Variants in NRTN observed in about 807,000 individuals in gnomAD.
NRTN encodes prepro-neurturin.
A neutral mutation model predicts 7.5 loss-of-function variants in NRTN; 3 were observed. The ratio of observed to expected loss-of-function variants is 0.40; its 90% confidence interval spans 0.18 to 1.03. The LOEUF (loss-of-function observed/expected upper bound fraction) is 1.03, where lower values mean the gene tolerates loss of function less well. Among genes scored for constraint, NRTN ranks in the 50% least tolerant of loss-of-function variants. NRTN has a pLI of 0.34. For missense variants in NRTN, 310 were observed against 307.0 expected, an observed-to-expected ratio of 1.01 and a Z score of -0.07; for synonymous variants, 157 against 146.6, an observed-to-expected ratio of 1.07 and a Z score of -0.51.
chr19:5,822,688 C>T (rs1487690171), intron 1 of NRTN, among the ~76,000 whole-genome samples: 1 of 152,102 alleles, frequency 6.6e-6, no homozygotes, highest in East Asian at 1.9e-4. Flanking sequence ...GGAGGAGGCA[C>T]CCTCCAAGCT....
intron 1 of NRTN, among the ~76,000 whole-genome samples, chr19:5,821,942 C>T (rs1376181627): frequency 6.6e-6 from 1 of 152,194 alleles, no homozygotes; most frequent in African/African-American, 2.4e-5. Flanking sequence ...GTTCAAATCC[C>T]ATGTCCTTTT....
At chr19:5,805,750 G>A (rs558102208) in intron 1 of NRTN, among the ~76,000 whole-genome samples, 120 of 152,250 alleles carry the variant, frequency 7.9e-4, no homozygotes, top group Middle Eastern at 3.4e-3. Context: ...GTGTGCATCT[G>A]AGGAACGCAC....
In NRTN at chr19:5,828,057, C is replaced by T. The variant is rs1249212189; in HGVS notation, c.478C>T (p.Arg160Cys). 5 of 1,428,904 alleles carry T rather than the reference C, an allele frequency of 3.5e-6. No individual in the cohort carries two copies. Among genetic ancestry groups the T allele is most frequent in the East Asian group, 6.0e-5 (2 of 33,396 alleles). 88.5% of individuals were successfully genotyped at this position (1,428,904 alleles called of 1,614,324 possible). The change falls in exon 3 of 3, where the codon CGC becomes TGC. Residue 160 changes from arginine (R) to cysteine (C), a missense_variant. Transcript: ENST00000303212. ...GCGGCGCCTGCGGCGGGAGCGGGTGCGCGCGCAGCCCTGCTGCCGCCCGAC... is the reference window on the plus strand; with the variant it reads ...GCGGCGCCTGCGGCGGGAGCGGGTGTGCGCGCAGCCCTGCTGCCGCCCGAC... The part of the protein sequence containing the change: ...QRRRLRRERV[R>C]AQPCCRPTAY...
At chr19:5,824,995 CA>C (rs1205613760) in intron 2 of NRTN, among the ~76,000 whole-genome samples, 1 of 151,916 alleles carries the variant, frequency 6.6e-6, no homozygotes, top group Non-Finnish European at 1.5e-5. Flanking sequence ...CGCGGCGCAG[CA>C]GGGGGGGCGG....
intron 1 of NRTN, among the ~76,000 whole-genome samples, chr19:5,820,759 A>AAAAAAC: frequency 6.7e-6 from 1 of 149,900 alleles, no homozygotes. Context: ...AAAAAAAAAA[A>AAAAAAC]AAAAAAAAGG....
Position 5,828,116 on chromosome 19 carries a change from G to C in NRTN, c.537G>C (p.Ala179=). The C allele has an allele frequency of 6.6e-7, 1 of 1,504,322 alleles. No homozygotes were observed. Among genetic ancestry groups the C allele is most frequent in the Non-Finnish European group, 8.8e-7 (1 of 1,134,162 alleles). The allele number at this position is 1,504,322 out of a possible 1,614,324, so 93.2% of individuals were successfully genotyped here. The change falls in exon 3 of 3, where the codon GCG becomes GCC. Residue 179 remains alanine, a synonymous_variant. Coordinates refer to ENST00000303212, the MANE Select transcript of NRTN (RefSeq NM_004558.5). The part of the protein sequence containing the change: ...AYEDEVSFLD[A]HSRYHTVHEL... ...AGGACGAGGTGTCCTTCCTGGACGC[G>C]CACAGCCGCTACCACACGGTGCACG... is the stretch of plus-strand genomic sequence containing the variant.
chr19:5,814,100 A>C (rs2056998280), intron 1 of NRTN, among the ~76,000 whole-genome samples: 1 of 152,166 alleles, frequency 6.6e-6, no homozygotes, highest in Non-Finnish European at 1.5e-5. Flanking sequence ...CAGCACCCCC[A>C]CAGGCAAAAG....
At chr19:5,809,572 G>C (rs1456952092) in intron 1 of NRTN, among the ~76,000 whole-genome samples, 1 of 152,080 alleles carries the variant, frequency 6.6e-6, no homozygotes, top group East Asian at 1.9e-4. Flanking sequence ...TGGTGAGTTT[G>C]TCGGGGAGGG....
intron 2 of NRTN, among the ~76,000 whole-genome samples, chr19:5,825,406 G>A (rs905719141): frequency 5.3e-5 from 8 of 152,178 alleles, no homozygotes; most frequent in Non-Finnish European, 1.2e-4. Context: ...TGTGGGCCAC[G>A]AGTACGCCCA....
chr19:5,810,830 G>A (rs1445291475), intron 1 of NRTN, among the ~76,000 whole-genome samples: 5 of 151,958 alleles, frequency 3.3e-5, no homozygotes, highest in Admixed American at 2.0e-4. Context: ...TTGGGAGGCT[G>A]AGACAGGAGA....
intron 2 of NRTN, 129 bp downstream of exon 2, chr19:5,824,463 G>A: frequency 8.5e-7 from 1 of 1,178,556 alleles, no homozygotes; most frequent in Non-Finnish European, 1.2e-6. Flanking sequence ...CCCCTTGCAG[G>A]GAGGCAGGGA....
chr19:5,808,592 G>A (rs941096260), intron 1 of NRTN, among the ~76,000 whole-genome samples: 4 of 152,166 alleles, frequency 2.6e-5, no homozygotes, highest in African/African-American at 9.7e-5. Context: ...TGACCCTGCA[G>A]GCCACAGGGC....
chr19:5,809,825 C>T (rs1313201406), intron 1 of NRTN, among the ~76,000 whole-genome samples: 9 of 152,176 alleles, frequency 5.9e-5, no homozygotes, highest in Non-Finnish European at 1.0e-4. Flanking sequence ...GCAGGTCCTA[C>T]GCCCCTCTCT....
At chr19:5,825,197 G>A (rs988898019) in intron 2 of NRTN, among the ~76,000 whole-genome samples, 2 of 152,070 alleles carry the variant, frequency 1.3e-5, no homozygotes, top group African/African-American at 4.8e-5. Context: ...CTGCTATAGG[G>A]ACACAGAAAT....
intron 1 of NRTN, among the ~76,000 whole-genome samples, chr19:5,815,028 G>C (rs1195250990): frequency 6.6e-6 from 1 of 152,244 alleles, no homozygotes; most frequent in Non-Finnish European, 1.5e-5. Flanking sequence ...TCAGGGCGGG[G>C]CCGTTCCCTC....
intron 2 of NRTN, among the ~76,000 whole-genome samples, chr19:5,824,809 C>T (rs1416857494): frequency 6.6e-6 from 1 of 152,096 alleles, no homozygotes; most frequent in Non-Finnish European, 1.5e-5. Context: ...AATACATTTT[C>T]TAAAAAAAGA....
At chr19:5,809,699 C>T (rs970975875) in intron 1 of NRTN, among the ~76,000 whole-genome samples, 1 of 152,146 alleles carries the variant, frequency 6.6e-6, no homozygotes, top group African/African-American at 2.4e-5. Context: ...GGAACCCAGC[C>T]GGGCACTCTG....
In NRTN at chr19:5,828,168, G is replaced by A; in HGVS notation, c.589G>A (p.Val197Met). 6.5e-7 allele frequency: 1 copy of A among 1,530,738 alleles called. No individual in the cohort carries two copies. Among genetic ancestry groups the A allele is most frequent in the Non-Finnish European group, 8.7e-7 (1 of 1,144,426 alleles). 94.8% of individuals were successfully genotyped at this position (1,530,738 alleles called of 1,614,324 possible). A position where few individuals can be genotyped will look rare whatever the true frequency, so the allele number is the denominator to read the frequency against. The change falls in exon 3 of 3, where the codon GTG (valine) becomes ATG (methionine). Residue 197 changes from valine (V) to methionine (M), a missense_variant. Transcript: ENST00000303212. The stretch of plus-strand genomic sequence containing the variant: ...GCTGTCGGCGCGCGAGTGCGCCTGC[G>A]TGTGACCCTACCTCACTCGGCCGGC... ...HELSARECACV is the reference protein window; with the variant it reads ...HELSARECACM
Position 5,824,243 on chromosome 19 carries a change from C to T in NRTN, c.78C>T (p.Gly26=). The change falls in exon 2 of 3, where the codon GGC becomes GGT. Residue 26 remains glycine, a synonymous_variant. Transcript: ENST00000303212. The part of the protein sequence containing the change: ...SVLSIWMCRE[G]LLLSHRLGPA... ...TGTCCATCTGGATGTGTCGAGAGGG[C>T]CTGCTTCTCAGCCACCGCCTCGGAC... The T allele has an allele frequency of 6.2e-7, 1 of 1,612,306 alleles. No homozygotes were observed. The highest frequency in any genetic ancestry group is 1.1e-5 in the South Asian group (1 of 91,038).
Sources: gnomAD v4.1 joint callset for allele counts (sites outside exome capture counted in the v4.1 genomes callset) on GRCh38, gnomAD v4.1.1 for gene constraint, MANE v1.5 for transcripts, NCBI Gene and HGNC (gene_info 2026-07-23, HGNC 2026-07-21) for gene names.